DOCK6: variants seen among roughly 807,000 people sequenced by gnomAD.
The protein encoded by DOCK6 is dedicator of cytokinesis 6, also known as dedicator of cytokinesis protein 6.
In DOCK6, 167 loss-of-function variants were observed where a neutral mutation model predicts 230.3. The observed-to-expected ratio is 0.73, with a 90% CI of 0.64 to 0.82. The LOEUF is 0.82. Among genes scored for constraint, DOCK6 ranks in the 40% least tolerant of loss-of-function variants. The pLI is 0.00. For synonymous variants in DOCK6, 1,148 were observed against 1,185.0 expected, an observed-to-expected ratio of 0.97 and a Z score of 0.64; for missense variants, 2,598 against 2,825.8, an observed-to-expected ratio of 0.92 and a Z score of 1.83.
rs753585212 is a variant in DOCK6 at position 11,251,022 on chromosome 19, A to T, written c.572T>A (p.Ile191Asn). 2 of 1,613,774 alleles carry T rather than the reference A, an allele frequency of 1.2e-6. No individual in the cohort carries two copies. Among genetic ancestry groups the T allele is most frequent in the Non-Finnish European group, 1.7e-6 (2 of 1,179,844 alleles). ...AGCTGCCAGGTTCCTCAGGTCGAAG[A>T]TGCTAGAGGCACCACTGCTTCGAGG... ...DTPRSSGASS[I>N]FDLRNLAADS... The change falls in exon 6 of 48, where the codon ATC (isoleucine) becomes AAC (asparagine). Residue 191 changes from isoleucine to asparagine, a missense_variant. Physicochemically the swap from Ile to Asn is moderately radical, Grantham distance 149 (BLOSUM62 -3). Coordinates refer to ENST00000294618, the MANE Select transcript of DOCK6 (RefSeq NM_020812.4).
chr19:11,260,403 G>T (rs2080266079), intron 1 of DOCK6, among the ~76,000 whole-genome samples: 1 of 151,830 alleles, frequency 6.6e-6, no homozygotes, highest in Admixed American at 6.6e-5. Flanking sequence ...AAGATAGTGA[G>T]ATCCCGTTTC....
Position 11,243,438 on chromosome 19 carries a change from C to G in DOCK6, c.1259-53G>C, listed in dbSNP as rs984090436. 7 of 1,577,222 alleles carry G rather than the reference C, an allele frequency of 4.4e-6. No individual in the cohort carries two copies. The highest frequency in any genetic ancestry group is 6.0e-6 in the Non-Finnish European group (7 of 1,163,348). ...GGGGGACCAAGATGAAACAGGGAGA[C>G]TCAGGGGCGGCACAGTTCGGCCAGC... On this transcript the variant is annotated intron_variant, in intron 11 of 47. Coordinates refer to ENST00000294618, the MANE Select transcript of DOCK6 (RefSeq NM_020812.4). The surrounding 1 kb of genome is among the most constrained non-coding windows in gnomAD (Gnocchi z 6.3).
rs1437457732 is a variant in DOCK6 at position 11,248,117 on chromosome 19, GGCT to G, written c.752_754del (p.Glu251_Pro252delinsAla). 2.5e-6 allele frequency: 4 copies of G among 1,612,470 alleles called. No individual in the cohort carries two copies. Among genetic ancestry groups the G allele is most frequent in the Non-Finnish European group, 3.4e-6 (4 of 1,179,366 alleles). On this transcript the variant is annotated inframe_deletion, in exon 7 of 48. Coordinates refer to ENST00000294618, the MANE Select transcript of DOCK6 (RefSeq NM_020812.4). Reference sequence around the variant, plus strand: ...CCTTTGTCCAAAGTGCTCGCGGGGTGGCTCTGGGCGGCTACAGCGTTCCACGGC... The same window carrying G: ...CCTTTGTCCAAAGTGCTCGCGGGGTGCTGGGCGGCTACAGCGTTCCACGGC...
In DOCK6 at chr19:11,200,377, C is replaced by A; in HGVS notation, c.6032G>T (p.Arg2011Leu). The A allele has an allele frequency of 1.9e-6, 3 of 1,598,246 alleles. No homozygotes were observed. The highest frequency in any genetic ancestry group is 2.3e-5 in the East Asian group (1 of 44,014). Reference protein sequence around the residue: ...RELERNYCRLREALQPLLTQR... With the variant: ...RELERNYCRLLEALQPLLTQR... Reference sequence around the variant, plus strand: ...GGTAAGCAGGGGCTGCAGAGCCTCCCGCAGGCGGCAGTAGTTGCGCTCCAG... The same window carrying A: ...GGTAAGCAGGGGCTGCAGAGCCTCCAGCAGGCGGCAGTAGTTGCGCTCCAG... The change falls in exon 47 of 48, where the codon CGG becomes CTG. Residue 2011 changes from arginine (R) to leucine (L), a missense_variant. Arg to Leu is a moderately radical substitution (Grantham distance 102). Coordinates refer to ENST00000294618, the MANE Select transcript of DOCK6 (RefSeq NM_020812.4). The surrounding 1 kb of genome is among the most constrained non-coding windows in gnomAD (Gnocchi z 4.3).
intron 24 of DOCK6, among the ~76,000 whole-genome samples, chr19:11,223,468 A>T (rs2079613923): frequency 6.6e-6 from 1 of 152,164 alleles, no homozygotes; most frequent in South Asian, 2.1e-4. Flanking sequence ...TATATGGCAG[A>T]AGCAGGTGGG....
Position 11,242,073 on chromosome 19 carries a change from C to A in DOCK6, c.1615G>T (p.Glu539Ter). 2 of 1,550,354 alleles carry A rather than the reference C, an allele frequency of 1.3e-6. No individual in the cohort carries two copies. The highest frequency in any genetic ancestry group is 1.7e-6 in the Non-Finnish European group (2 of 1,155,942). ...TKEILEFPAR[E>*]VYAPHTSYRN... ...TAGCTGGTATGGGGGGCATAGACTT[C>A]GCGGGCGGGGAACTCCAGAATCTCC... is the stretch of plus-strand genomic sequence containing the variant. Residue 539 changes from glutamate to a stop codon, truncating the protein, a stop_gained, in exon 14 of 48, where the codon GAA becomes TAA. Coordinates refer to ENST00000294618, the MANE Select transcript of DOCK6 (RefSeq NM_020812.4). LOFTEE classifies it high-confidence loss of function.
chr19:11,210,199 TG>T (rs1302744169), intron 37 of DOCK6, among the ~76,000 whole-genome samples: 2 of 134,344 alleles, frequency 1.5e-5, no homozygotes, highest in Non-Finnish European at 3.2e-5. Flanking sequence ...TTCAGCTGTT[TG>T]TCCCCTCATC....
At chr19:11,213,771 G>A (rs1336906641) in intron 34 of DOCK6, among the ~76,000 whole-genome samples, 2 of 151,234 alleles carry the variant, frequency 1.3e-5, no homozygotes, top group Non-Finnish European at 2.9e-5. Context: ...ATCTCAGGTG[G>A]TGTGTGCCAT....
chr19:11,247,942 A>G, intron 7 of DOCK6, 124 bp downstream of exon 7: 1 of 780,488 alleles, frequency 1.3e-6, no homozygotes, highest in Non-Finnish European at 2.2e-6. Context: ...AAGCCCATAC[A>G]TAGGTGGCCA....
At position 11,242,258 on chromosome 19, in the gene DOCK6, C is replaced by T. The variant is rs910193598; in HGVS notation, c.1481-51G>A. 2.2e-6 allele frequency: 3 copies of T among 1,392,326 alleles called. No homozygotes were observed. The Admixed American group carries it at 1.0e-4, about 47-fold the overall frequency. 86.2% of individuals were successfully genotyped at this position (1,392,326 alleles called of 1,614,324 possible). ...CCTGCCTGGGAGCCTCCTGGCTCAGCCCACCCTTTCTGGGCTGTGTAGTCA... is the reference window on the plus strand; with the variant it reads ...CCTGCCTGGGAGCCTCCTGGCTCAGTCCACCCTTTCTGGGCTGTGTAGTCA... On this transcript the variant is annotated intron_variant, in intron 13 of 47. Coordinates refer to ENST00000294618, the MANE Select transcript of DOCK6 (RefSeq NM_020812.4).
rs1280014894 is a variant in DOCK6, at chr19:11,218,819, C to G, written c.3551-1428G>C. 3.6e-5 allele frequency among the ~76,000 whole-genome samples: 5 copies of G among 140,628 alleles called. No individual in the cohort carries two copies. The Admixed American group carries it at 3.7e-4, about 10-fold the overall frequency. The allele number at this position is 140,628 out of a possible 152,430, so 92.3% of individuals were successfully genotyped here. A position where few individuals can be genotyped will look rare whatever the true frequency, so the allele number is the denominator to read the frequency against. On this transcript the variant is annotated intron_variant, in intron 28 of 47. Transcript: ENST00000294618. Reference sequence around the variant, plus strand: ...TATGTGCCAGATGCTGTTCTAAGGACTTTAAAAATATTCACTCTTTCAAAT... The same window carrying G: ...TATGTGCCAGATGCTGTTCTAAGGAGTTTAAAAATATTCACTCTTTCAAAT...
rs1440833301 is a variant in DOCK6, at chr19:11,201,879, C to G, written c.5688+10G>C. The stretch of plus-strand genomic sequence containing the variant: ...TCCCCACCCCCGCCAGGCCCAGGAT[C>G]CCCACCCACCTCCTCCCGGTGGCAC... On this transcript the variant is annotated intron_variant, in intron 44 of 47. Coordinates refer to ENST00000294618, the MANE Select transcript of DOCK6 (RefSeq NM_020812.4). The surrounding 1 kb of genome is among the most constrained non-coding windows in gnomAD (Gnocchi z 4.3). 3.5e-6 allele frequency: 4 copies of G among 1,127,152 alleles called. No individual in the cohort carries two copies. In the East Asian group the frequency reaches 1.7e-4, roughly 48 times the overall value. The allele number at this position is 1,127,152 out of a possible 1,614,324, so 69.8% of individuals were successfully genotyped here.
At chr19:11,239,483 G>T in intron 14 of DOCK6, 1 of 955,322 alleles carries the variant, frequency 1.0e-6, no homozygotes, top group African/African-American at 1.7e-5. Flanking sequence ...GGCCTAGCCG[G>T]ACATTCGCCT....
intron 31 of DOCK6, 67 bp downstream of exon 31, chr19:11,215,734 G>T (rs1004800134): frequency 6.2e-7 from 1 of 1,606,016 alleles, no homozygotes; most frequent in African/African-American, 1.3e-5. Flanking sequence ...CCCCTTCATG[G>T]GGTCCCCTTG....
chr19:11,229,780 G>C (rs1247372315), intron 22 of DOCK6, among the ~76,000 whole-genome samples: 1 of 151,952 alleles, frequency 6.6e-6, no homozygotes, highest in Non-Finnish European at 1.5e-5. Flanking sequence ...AGCACTTTGG[G>C]AGGCTGGGGC....
At chr19:11,210,739 T>A (rs1457829596) in intron 37 of DOCK6, among the ~76,000 whole-genome samples, 1 of 149,628 alleles carries the variant, frequency 6.7e-6, no homozygotes, top group Non-Finnish European at 1.5e-5. Flanking sequence ...TCTTCACCTG[T>A]CCACCCCCTC....
chr19:11,215,598 G>GC (rs767655114), intron 31 of DOCK6, 127 bp from the exon 32 acceptor site: 209 of 1,280,508 alleles, frequency 1.6e-4, no homozygotes, highest in Admixed American at 2.2e-4. Flanking sequence ...TGGAGCAGAA[G>GC]CCTGCCGGGT....
chr19:11,259,567 T>TC (rs1308114808), intron 1 of DOCK6, among the ~76,000 whole-genome samples: 1 of 136,966 alleles, frequency 7.3e-6, no homozygotes, highest in African/African-American at 2.6e-5. Flanking sequence ...TTTTTTTTTT[T>TC]TTTTTTTTGA....
chr19:11,199,483 T>G lies in DOCK6; in HGVS notation c.*14A>C. The G allele has an allele frequency of 6.3e-7, 1 of 1,576,652 alleles. No homozygotes were observed. The highest frequency in any genetic ancestry group is 8.6e-7 in the Non-Finnish European group (1 of 1,160,968). ...GTGCTGGTTCCTCTAGGTACAGCTT[T>G]GGTCCTTGTGGGCTCAGAGGTCTGC... On this transcript the variant is annotated 3_prime_UTR_variant, in exon 48 of 48. Coordinates refer to ENST00000294618, the MANE Select transcript of DOCK6 (RefSeq NM_020812.4).
Sources: gnomAD v4.1 joint callset for allele counts (sites outside exome capture counted in the v4.1 genomes callset) on GRCh38, gnomAD v4.1.1 for gene constraint, Gnocchi (gnomAD v3.1) non-coding constraint, MANE v1.5 for transcripts, NCBI Gene and HGNC (gene_info 2026-07-23, HGNC 2026-07-21) for gene names.